Variants in SIL1 observed in about 807,000 individuals in gnomAD.
SIL1 encodes SIL1 nucleotide exchange factor.
Under a neutral mutation model 49.1 loss-of-function variants are expected in SIL1, and 40 were observed. The ratio of observed to expected loss-of-function variants is 0.81; its 90% confidence interval spans 0.63 to 1.06. SIL1 has a LOEUF of 1.06. Among genes scored for constraint, SIL1 ranks in the 50% least tolerant of loss-of-function variants. The pLI, the probability that SIL1 is intolerant of heterozygous loss-of-function variation, is 0.00. For missense variants in SIL1, 500 were observed against 572.6 expected (o/e 0.87, Z 1.29); for synonymous variants, 253 against 250.8 (o/e 1.01, Z -0.08).
At chr5:139,036,638 T>G (rs1167419702) in intron 5 of SIL1, among the ~76,000 whole-genome samples, 1 of 151,920 alleles carries the variant, frequency 6.6e-6, no homozygotes, top group Admixed American at 6.6e-5. Context: ...TAAGTGGGAG[T>G]TAAATGATGA....
chr5:139,142,138 G>T (rs1356439608), intron 1 of SIL1, among the ~76,000 whole-genome samples: 1 of 152,204 alleles, frequency 6.6e-6, no homozygotes, highest in East Asian at 1.9e-4. Context: ...AAGTTCACCT[G>T]GCCCAACTTC....
At chr5:139,103,099 G>C (rs1314383338) in intron 3 of SIL1, among the ~76,000 whole-genome samples, 1 of 152,044 alleles carries the variant, frequency 6.6e-6, no homozygotes, top group African/African-American at 2.4e-5. Context: ...TGAGGCATTA[G>C]GCGCTCAGTA....
chr5:139,026,091 A>T (rs1340691597), intron 6 of SIL1, among the ~76,000 whole-genome samples: 1 of 152,144 alleles, frequency 6.6e-6, no homozygotes, highest in Non-Finnish European at 1.5e-5. Context: ...CTTATTGTCC[A>T]TGACTAGGCT....
intron 3 of SIL1, among the ~76,000 whole-genome samples, chr5:139,076,996 T>C (rs1346304930): frequency 1.3e-5 from 2 of 152,168 alleles, no homozygotes; most frequent in African/African-American, 4.8e-5. Flanking sequence ...TAGCTGCGCA[T>C]GGCAGCACAC....
At chr5:139,088,128 G>T (rs1335886763) in intron 3 of SIL1, among the ~76,000 whole-genome samples, 1 of 152,224 alleles carries the variant, frequency 6.6e-6, no homozygotes, top group East Asian at 1.9e-4. Flanking sequence ...AGACTCCTCT[G>T]AAAAGATGAC....
intron 1 of SIL1, among the ~76,000 whole-genome samples, chr5:139,129,870 G>A (rs1475795472): frequency 6.6e-6 from 1 of 152,150 alleles, no homozygotes; most frequent in Non-Finnish European, 1.5e-5. Context: ...AAGAAAAATA[G>A]ATATATTGGA....
At chr5:139,032,522 T>C (rs1164315470) in intron 5 of SIL1, among the ~76,000 whole-genome samples, 1 of 152,218 alleles carries the variant, frequency 6.6e-6, no homozygotes, top group Non-Finnish European at 1.5e-5. Flanking sequence ...TGTTGCTATG[T>C]AGTTTATTTT....
chr5:139,137,794 T>C (rs977134401), intron 1 of SIL1, among the ~76,000 whole-genome samples: 1 of 150,846 alleles, frequency 6.6e-6, no homozygotes, highest in African/African-American at 2.4e-5. Flanking sequence ...GCTAGCCATA[T>C]GTAGAAAGGA....
chr5:139,163,198 T>C (rs550331409), intron 1 of SIL1, among the ~76,000 whole-genome samples: 38 of 152,118 alleles, frequency 2.5e-4, no homozygotes, highest in South Asian at 2.5e-3. Flanking sequence ...CTAAGTATGA[T>C]GGTGAGCCCA....
intron 7 of SIL1, among the ~76,000 whole-genome samples, chr5:138,988,545 C>T (rs1037897477): frequency 2.6e-5 from 4 of 152,178 alleles, no homozygotes; most frequent in African/African-American, 7.2e-5. Flanking sequence ...CATTTTTAAA[C>T]GTAGGTCAAT....
Position 138,972,356 on chromosome 5 carries a change from T to C in SIL1, c.768-20472A>G, listed in dbSNP as rs1767298115. Among the ~76,000 whole-genome samples, 8 of 152,224 alleles carry C rather than the reference T, an allele frequency of 5.3e-5. No individual in the cohort carries two copies. In the South Asian group the frequency reaches 1.7e-3, roughly 31 times the overall value. The stretch of plus-strand genomic sequence containing the variant: ...GTGGAGTACTTAAATGCTCTAGCCA[T>C]GCCTGGTACTCACAGCCACATTTGA... On this transcript the variant is annotated intron_variant, in intron 7 of 9. Coordinates refer to ENST00000394817, the MANE Select transcript of SIL1 (RefSeq NM_022464.5).
intron 7 of SIL1, among the ~76,000 whole-genome samples, chr5:138,987,891 C>T (rs1038811388): frequency 1.3e-5 from 2 of 152,220 alleles, no homozygotes; most frequent in Admixed American, 1.3e-4. Flanking sequence ...GGCTAGAGTG[C>T]AATGGCGTGA....
chr5:139,120,934 G>A, intron 3 of SIL1, 101 bp downstream of exon 3: 4 of 1,459,866 alleles, frequency 2.7e-6, no homozygotes, highest in Non-Finnish European at 3.8e-6. Context: ...CCTCCCGCAG[G>A]CCAGAGAAGA....
intron 7 of SIL1, among the ~76,000 whole-genome samples, chr5:138,960,413 C>CTTTTT (rs150578906): frequency 2.7e-4 from 34 of 124,254 alleles, no homozygotes; most frequent in African/African-American, 4.2e-4. Context: ...AAATCTACGT[C>CTTTTT]TTTTTTTTTT....
chr5:139,182,942 G>C (rs1226432577), intron 1 of SIL1, among the ~76,000 whole-genome samples: 1 of 152,224 alleles, frequency 6.6e-6, no homozygotes, highest in Admixed American at 6.5e-5. Context: ...CTCTCCTACA[G>C]AGGAGAGATG....
intron 1 of SIL1, among the ~76,000 whole-genome samples, chr5:139,175,966 A>G (rs560443061): frequency 1.8e-4 from 27 of 150,084 alleles, no homozygotes; most frequent in African/African-American, 6.4e-4. Flanking sequence ...TCTCAAAAAG[A>G]AAAAAAAAAG....
chr5:138,983,852 CT>C (rs33919539), intron 7 of SIL1, among the ~76,000 whole-genome samples: 63,731 of 151,934 alleles, frequency 0.42, 14,121 homozygotes, highest in African/African-American at 0.58. Context: ...TAGACAAGAG[CT>C]TCCTCTGCTG....
chr5:139,045,725 C>A (rs1453428849), intron 4 of SIL1, among the ~76,000 whole-genome samples: 1 of 152,188 alleles, frequency 6.6e-6, no homozygotes, highest in Non-Finnish European at 1.5e-5. Context: ...CCCCTCCCAA[C>A]TTTTCTATTT....
rs188717672 is a variant in SIL1, at chr5:139,189,045, G to A, written c.-11+9224C>T. 9.8e-5 allele frequency among the ~76,000 whole-genome samples: 15 copies of A among 152,286 alleles called. No individual in the cohort carries two copies. The East Asian group carries it at 2.5e-3, about 25-fold the overall frequency. On this transcript the variant is annotated intron_variant, in intron 1 of 9. Coordinates refer to ENST00000394817, the MANE Select transcript of SIL1 (RefSeq NM_022464.5). The stretch of plus-strand genomic sequence containing the variant: ...TACAAACCAACTAAGACAACAATGA[G>A]GTGATGGTTAAGATAAAACTTGCTT...
Sources: allele counts gnomAD v4.1 joint callset (sites outside exome capture counted in the v4.1 genomes callset), GRCh38; gene constraint gnomAD v4.1.1; transcripts MANE v1.5; gene names NCBI Gene and HGNC (gene_info 2026-07-23, HGNC 2026-07-21).